RAVER1: variants seen among roughly 807,000 people sequenced by gnomAD.
RAVER1 encodes the protein ribonucleoprotein PTB-binding 1.
A neutral mutation model predicts 68.4 loss-of-function variants in RAVER1; 36 were observed. That is an observed-to-expected ratio of 0.53 (90% CI 0.40 to 0.70). RAVER1 has a LOEUF of 0.70. RAVER1 is among the 30% of genes least tolerant of loss of function. RAVER1 has a pLI of 0.00. For missense variants in RAVER1, 933 were observed against 1,019.8 expected, an observed-to-expected ratio of 0.91 and a Z score of 1.16; for synonymous variants, 469 against 472.7, an observed-to-expected ratio of 0.99 and a Z score of 0.10.
At position 10,323,581 on chromosome 19, in the gene RAVER1, C is replaced by T; in HGVS notation, c.757-15G>A. ...CCGCACGCCAGCTGCCGGAGGAAGG[C>T]AGGCAGTCATGAGCATCTGGGCAGC... On this transcript the variant is annotated splice_polypyrimidine_tract_variant and intron_variant, in intron 3 of 12. Transcript: ENST00000617231. This position sits in a 1 kb window ranked among gnomAD's most constrained non-coding sequence, Gnocchi z 6.2. 2 of 1,568,246 alleles carry T rather than the reference C, an allele frequency of 1.3e-6. No homozygotes were observed.
rs779356634 is a variant in RAVER1 at position 10,323,379 on chromosome 19, G to T, written c.944C>A (p.Ala315Asp). 3 of 1,604,556 alleles carry T rather than the reference G, an allele frequency of 1.9e-6. No individual in the cohort carries two copies. The highest frequency in any genetic ancestry group is 1.7e-5 in the Admixed American group (1 of 58,548). ...SMLAALIAAQATALNRGKGLL... is the reference protein window; with the variant it reads ...SMLAALIAAQDTALNRGKGLL... ...CCTCTGCCCGCACAGGCTCACCGTG[G>T]CCTGGGCAGCGATGAGAGCGGCCAG... The change falls in exon 4 of 13, where the codon GCC becomes GAC. Residue 315 changes from alanine to aspartate, a missense_variant. Physicochemically the swap from Ala to Asp is moderately radical, Grantham distance 126 (BLOSUM62 -2). Transcript: ENST00000617231. This position sits in a 1 kb window ranked among gnomAD's most constrained non-coding sequence, Gnocchi z 6.2.
At position 10,333,427 on chromosome 19, in the gene RAVER1, C is replaced by T. The variant is rs546645736; in HGVS notation, c.81G>A (p.Ala27=). The T allele has an allele frequency of 3.7e-6, 6 of 1,613,476 alleles. No individual in the cohort carries two copies. Among genetic ancestry groups the T allele is most frequent in the South Asian group, 2.2e-5 (2 of 91,086 alleles). The stretch of plus-strand genomic sequence containing the variant: ...GCTCTTCTTCCGGCGCCCGGCGCTC[C>T]GCGGCATCGCCGGCTTCGACTTCGG... ...SGAEVEAGDA[A]ERRAPEEELP... is the part of the protein sequence containing the mutation. The change falls in exon 1 of 13, where the codon GCG becomes GCA. Residue 27 remains alanine (A), a synonymous_variant. Coordinates refer to ENST00000617231, the MANE Select transcript of RAVER1 (RefSeq NM_133452.3). This position sits in a 1 kb window ranked among gnomAD's most constrained non-coding sequence, Gnocchi z 4.2.
At chr19:10,319,786 T>C (rs1053841838) in intron 9 of RAVER1, among the ~76,000 whole-genome samples, 3 of 95,708 alleles carry the variant, frequency 3.1e-5, no homozygotes, top group African/African-American at 1.0e-4. Flanking sequence ...TTATATTTTA[T>C]ATTATATATG....
intron 1 of RAVER1, 104 bp from the exon 2 acceptor site, chr19:10,330,630 AC>A (rs141086623): frequency 3.2e-6 from 2 of 626,710 alleles, no homozygotes; most frequent in Admixed American, 2.6e-5. Context: ...GTCAATTACC[AC>A]CCCCCATTTT....
At position 10,322,826 on chromosome 19, in the gene RAVER1, G is replaced by A. The variant is rs1362251958; in HGVS notation, c.1079-87C>T. On this transcript the variant is annotated intron_variant, in intron 5 of 12. Transcript: ENST00000617231. The surrounding 1 kb of genome is among the most constrained non-coding windows in gnomAD (Gnocchi z 4.3). ...AACACAGCCCTGAACCCATTGATGG[G>A]GCAGGAAACTGACACTCTGGGGCCG... The A allele has an allele frequency of 5.2e-6, 4 of 775,268 alleles. No homozygotes were observed. Among genetic ancestry groups the A allele is most frequent in the East Asian group, 3.0e-5 (1 of 33,026 alleles). 48.0% of individuals were successfully genotyped at this position (775,268 alleles called of 1,614,324 possible). A position where few individuals can be genotyped will look rare whatever the true frequency, so the allele number is the denominator to read the frequency against.
chr19:10,326,854 C>T (rs976255166), intron 3 of RAVER1, among the ~76,000 whole-genome samples: 1 of 149,980 alleles, frequency 6.7e-6, no homozygotes, highest in South Asian at 2.1e-4. Context: ...GCAACCTCCA[C>T]CTCCCAGGTA....
At chr19:10,321,306 T>C (rs2040436213) in intron 7 of RAVER1, 47 bp from the exon 8 acceptor site, 2 of 1,022,600 alleles carry the variant, frequency 2.0e-6, no homozygotes, top group Admixed American at 4.2e-5. Flanking sequence ...ACAGGACCCC[T>C]CTCCCCAGGG....
chr19:10,321,030 C>CGCAGG lies in RAVER1; in HGVS notation c.1473+13_1473+17dup. ...AACAGGAGGCTGGTGTGGTGCCGCG[C>CGCAGG]GCAGGGCAGGGCCTTACCCCAGGGG... On this transcript the variant is annotated intron_variant, in intron 8 of 12. Transcript: ENST00000617231. 6.9e-7 allele frequency: 1 copy of CGCAGG among 1,450,706 alleles called. No homozygotes were observed. Among genetic ancestry groups the CGCAGG allele is most frequent in the Non-Finnish European group, 9.0e-7 (1 of 1,105,730 alleles). The allele number at this position is 1,450,706 out of a possible 1,614,324, so 89.9% of individuals were successfully genotyped here.
chr19:10,331,707 AG>A (rs2040520108), intron 1 of RAVER1, among the ~76,000 whole-genome samples: 1 of 150,664 alleles, frequency 6.6e-6, no homozygotes, highest in Non-Finnish European at 1.5e-5. Context: ...AAAAAAAAAA[AG>A]AGTATGCCTT....
chr19:10,324,512 G>A (rs1229327874), intron 3 of RAVER1, among the ~76,000 whole-genome samples: 1 of 152,098 alleles, frequency 6.6e-6, no homozygotes, highest in Non-Finnish European at 1.5e-5. Context: ...CCTGGTAGCT[G>A]GGATTACAGG....
At position 10,322,550 on chromosome 19, in the gene RAVER1, G is replaced by T; in HGVS notation, c.1173+95C>A. The T allele has an allele frequency of 1.1e-6, 1 of 937,966 alleles. No homozygotes were observed. 58.1% of individuals were successfully genotyped at this position (937,966 alleles called of 1,614,324 possible). ...CCTGGTTCTGCGCCCCCAGGGCACA[G>T]CCAGAGGTCCCCCCACCCCACCGAT... On this transcript the variant is annotated intron_variant, in intron 6 of 12. Coordinates refer to ENST00000617231, the MANE Select transcript of RAVER1 (RefSeq NM_133452.3). This position sits in a 1 kb window ranked among gnomAD's most constrained non-coding sequence, Gnocchi z 4.3.
Position 10,329,249 on chromosome 19 carries a change from T to C in RAVER1, c.287-138A>G, listed in dbSNP as rs2040497387. ...TGCTGATCTGAGCAGTTGCCAGCCT[T>C]GGCGACTCACACAGGCGAGAGCGCC... On this transcript the variant is annotated intron_variant, in intron 2 of 12. Coordinates refer to ENST00000617231, the MANE Select transcript of RAVER1 (RefSeq NM_133452.3). The surrounding 1 kb of genome is among the most constrained non-coding windows in gnomAD (Gnocchi z 4.6). 1.6e-6 allele frequency: 1 copy of C among 609,386 alleles called. No homozygotes were observed. The highest frequency in any genetic ancestry group is 1.9e-5 in the African/African-American group (1 of 54,000). 37.7% of individuals were successfully genotyped at this position (609,386 alleles called of 1,614,324 possible).
chr19:10,318,403 G>T (rs2040410946), intron 10 of RAVER1, 31 bp from the exon 11 acceptor site: 2 of 1,551,794 alleles, frequency 1.3e-6, no homozygotes, highest in African/African-American at 2.8e-5. Context: ...GAGTGAAGCA[G>T]ACAATTGTAG....
chr19:10,329,118 T>TG lies in RAVER1; in HGVS notation c.287-8dup. 6.9e-7 allele frequency: 1 copy of TG among 1,455,286 alleles called. No homozygotes were observed. Among genetic ancestry groups the TG allele is most frequent in the Non-Finnish European group, 9.1e-7 (1 of 1,097,674 alleles). The allele number at this position is 1,455,286 out of a possible 1,614,324, so 90.1% of individuals were successfully genotyped here. Reference sequence around the variant, plus strand: ...TTCAGCAGGGTCACGAAGGCTGCGGTGGGAGGAGGGCAGTGCGAGGTCAGC... The same window carrying TG: ...TTCAGCAGGGTCACGAAGGCTGCGGTGGGGAGGAGGGCAGTGCGAGGTCAGC... On this transcript the variant is annotated splice_region_variant and splice_polypyrimidine_tract_variant and intron_variant, in intron 2 of 12. Transcript: ENST00000617231. The surrounding 1 kb of genome is among the most constrained non-coding windows in gnomAD (Gnocchi z 4.6).
intron 10 of RAVER1, 24 bp from the exon 11 acceptor site, chr19:10,318,396 T>TGAAGCA (rs1257629597): frequency 1.3e-6 from 2 of 1,571,900 alleles, no homozygotes; most frequent in Admixed American, 1.9e-5. Context: ...GCCGGTGGAG[T>TGAAGCA]GAAGCAGACA....
chr19:10,321,746 A>C (rs1261849706), intron 6 of RAVER1, 128 bp from the exon 7 acceptor site: 5 of 610,192 alleles, frequency 8.2e-6, no homozygotes, highest in African/African-American at 1.9e-5. Flanking sequence ...AGACAGGCAC[A>C]GGGTTCCCCA....
At chr19:10,319,115 G>A (rs1230312366) in intron 10 of RAVER1, 51 bp downstream of exon 10, 4 of 1,538,252 alleles carry the variant, frequency 2.6e-6, no homozygotes, top group South Asian at 1.1e-5. Context: ...GGCACAGCCT[G>A]TCATGTAGTA....
At chr19:10,320,050 T>G (rs2040424176) in intron 9 of RAVER1, among the ~76,000 whole-genome samples, 2 of 152,154 alleles carry the variant, frequency 1.3e-5, no homozygotes, top group South Asian at 4.1e-4. Context: ...GGGCAAGCCC[T>G]GTCTCTGGGG....
chr19:10,333,229 C>T lies in RAVER1; in HGVS notation c.219+60G>A. On this transcript the variant is annotated intron_variant, in intron 1 of 12. Transcript: ENST00000617231. The surrounding 1 kb of genome is among the most constrained non-coding windows in gnomAD (Gnocchi z 4.2). Reference sequence around the variant, plus strand: ...CCTCAGCGTTGGTGTCGCCCGGTTCCCCCCGCGCACGCGCACCGTGGTATT... The same window carrying T: ...CCTCAGCGTTGGTGTCGCCCGGTTCTCCCCGCGCACGCGCACCGTGGTATT... 2.6e-6 allele frequency: 4 copies of T among 1,509,486 alleles called. No homozygotes were observed. The highest frequency in any genetic ancestry group is 2.1e-4 in the Middle Eastern group (1 of 4,822). 93.5% of individuals were successfully genotyped at this position (1,509,486 alleles called of 1,614,324 possible).
Sources: allele counts gnomAD v4.1 joint callset (sites outside exome capture counted in the v4.1 genomes callset), GRCh38; gene constraint gnomAD v4.1.1; non-coding constraint Gnocchi (gnomAD v3.1); transcripts MANE v1.5; gene names NCBI Gene and HGNC (gene_info 2026-07-23, HGNC 2026-07-21).